Variants in BCS1L observed in about 807,000 individuals in gnomAD.
BCS1L encodes mitochondrial chaperone BCS1.
BCS1L carries 38 observed loss-of-function variants against 49.3 expected under a neutral mutation model. The ratio of observed to expected loss-of-function variants is 0.77; its 90% CI spans 0.59 to 1.01. BCS1L has a LOEUF of 1.01. BCS1L is among the 50% of genes least tolerant of loss of function. BCS1L has a pLI of 0.00. For missense variants in BCS1L, 394 were observed against 540.2 expected, an observed-to-expected ratio of 0.73 and a Z score of 2.68; for synonymous variants, 193 against 210.1, an observed-to-expected ratio of 0.92 and a Z score of 0.70.
Position 218,662,385 on chromosome 2 carries a change from A to AC in BCS1L, c.720-124dup, listed in dbSNP as rs200147929. ...CCAGGATAAACATGAAACGTGTGGA[A>AC]CATCAGGGTGTGAGGTAGAAGTCAG... On this transcript the variant is annotated intron_variant, in intron 5 of 7. Coordinates refer to ENST00000359273, the MANE Select transcript of BCS1L (RefSeq NM_001079866.2). The surrounding 1 kb of genome is among the most constrained non-coding windows in gnomAD (Gnocchi z 5.8). The AC allele has an allele frequency of 9.5e-3, 14,064 of 1,484,870 alleles. 84 individuals carry two copies. Among genetic ancestry groups the AC allele is most frequent in the Non-Finnish European group, 0.011 (11,487 of 1,065,990 alleles). The allele number at this position is 1,484,870 out of a possible 1,614,324, so 92.0% of individuals were successfully genotyped here.
rs1939628894 is a variant in BCS1L at position 218,662,828 on chromosome 2, T to G, written c.890-55T>G. On this transcript the variant is annotated intron_variant, in intron 6 of 7. Transcript: ENST00000359273. The surrounding 1 kb of genome is among the most constrained non-coding windows in gnomAD (Gnocchi z 5.8). The stretch of plus-strand genomic sequence containing the variant: ...AGTAGGGGAACATAGTGGGGCATGC[T>G]AATTTTATGCTGGGCTATGACTACT... The G allele has an allele frequency of 1.3e-6, 2 of 1,593,036 alleles. No homozygotes were observed. The highest frequency in any genetic ancestry group is 1.7e-6 in the Non-Finnish European group (2 of 1,161,166).
Position 218,660,930 on chromosome 2 carries a change from C to T in BCS1L, c.-49-9C>T, listed in dbSNP as rs1246377877. On this transcript the variant is annotated splice_polypyrimidine_tract_variant and intron_variant, in intron 1 of 7. Transcript: ENST00000359273. Reference sequence around the variant, plus strand: ...GCTTTGTCCCATCTCCACTGTTCCCCACCCCTAGGTTTTCGTAACACCCCA... The same window carrying T: ...GCTTTGTCCCATCTCCACTGTTCCCTACCCCTAGGTTTTCGTAACACCCCA... The T allele has an allele frequency of 5.0e-6, 8 of 1,586,132 alleles. No individual in the cohort carries two copies. In the East Asian group the frequency reaches 6.7e-5, roughly 13 times the overall value.
In BCS1L at chr2:218,662,071, A is replaced by G. The variant is rs1939522478; in HGVS notation, c.655+118A>G. ...AGTCCAATTCCCAGAGATTAAGAGG[A>G]ATGAAAAGTTGTGTATGAGAATGAT... On this transcript the variant is annotated intron_variant, in intron 4 of 7. Coordinates refer to ENST00000359273, the MANE Select transcript of BCS1L (RefSeq NM_001079866.2). The surrounding 1 kb of genome is among the most constrained non-coding windows in gnomAD (Gnocchi z 5.8). 6.7e-7 allele frequency: 1 copy of G among 1,489,240 alleles called. No homozygotes were observed. Among genetic ancestry groups the G allele is most frequent in the East Asian group, 2.3e-5 (1 of 44,258 alleles). 92.3% of individuals were successfully genotyped at this position (1,489,240 alleles called of 1,614,324 possible). A position where few individuals can be genotyped will look rare whatever the true frequency, so the allele number is the denominator to read the frequency against.
rs1197613485 is a variant in BCS1L at position 218,662,909 on chromosome 2, C to T, written c.916C>T (p.Arg306Cys). ...ENPVKYQGLG[R>C]LTFSGLLNAL... ...CCCAGTAAAGTACCAAGGCCTAGGTCGCCTCACCTTCAGTGGACTGCTCAA... is the reference window on the plus strand; with the variant it reads ...CCCAGTAAAGTACCAAGGCCTAGGTTGCCTCACCTTCAGTGGACTGCTCAA... The change falls in exon 7 of 8, where the codon CGC becomes TGC. Residue 306 changes from arginine to cysteine, a missense_variant. Arg to Cys is a radical substitution (Grantham distance 180, BLOSUM62 -3). Coordinates refer to ENST00000359273, the MANE Select transcript of BCS1L (RefSeq NM_001079866.2). This position sits in a 1 kb window ranked among gnomAD's most constrained non-coding sequence, Gnocchi z 5.8. 11 of 1,614,142 alleles carry T rather than the reference C, an allele frequency of 6.8e-6. No individual in the cohort carries two copies. The highest frequency in any genetic ancestry group is 2.2e-5 in the South Asian group (2 of 91,060).
Position 218,661,383 on chromosome 2 carries a change from C to G in BCS1L, c.321-23C>G, listed in dbSNP as rs1187290374. 4 of 1,614,180 alleles carry G rather than the reference C, an allele frequency of 2.5e-6. No homozygotes were observed. The highest frequency in any genetic ancestry group is 1.1e-5 in the South Asian group (1 of 91,084). On this transcript the variant is annotated intron_variant, in intron 2 of 7. Coordinates refer to ENST00000359273, the MANE Select transcript of BCS1L (RefSeq NM_001079866.2). This position sits in a 1 kb window ranked among gnomAD's most constrained non-coding sequence, Gnocchi z 5.9. Reference sequence around the variant, plus strand: ...GCTGGGTTTGACCCATTCACTCACTCAGTTTTGATCGTTCTTATTCAGGTA... The same window carrying G: ...GCTGGGTTTGACCCATTCACTCACTGAGTTTTGATCGTTCTTATTCAGGTA...
intron 1 of BCS1L, 86 bp from the exon 2 acceptor site, chr2:218,660,853 A>T: frequency 1.1e-6 from 1 of 938,696 alleles, no homozygotes; most frequent in Non-Finnish European, 1.7e-6. Context: ...ATTGACCCAC[A>T]CAGTAATGCT....
chr2:218,662,013 G>A lies in BCS1L; in HGVS notation c.655+60G>A, dbSNP rs1939515750. Reference sequence around the variant, plus strand: ...TTGACATTTTTAGAAGGGACAGGTTGGTCTCCAGCCAGATGGGGTGATATA... The same window carrying A: ...TTGACATTTTTAGAAGGGACAGGTTAGTCTCCAGCCAGATGGGGTGATATA... On this transcript the variant is annotated intron_variant, in intron 4 of 7. Transcript: ENST00000359273. This position sits in a 1 kb window ranked among gnomAD's most constrained non-coding sequence, Gnocchi z 5.8. The A allele has an allele frequency of 1.9e-6, 3 of 1,573,426 alleles. No individual in the cohort carries two copies. The highest frequency in any genetic ancestry group is 1.7e-5 in the Admixed American group (1 of 58,106).
At position 218,662,059 on chromosome 2, in the gene BCS1L, G is replaced by C; in HGVS notation, c.655+106G>C. On this transcript the variant is annotated intron_variant, in intron 4 of 7. Transcript: ENST00000359273. This position sits in a 1 kb window ranked among gnomAD's most constrained non-coding sequence, Gnocchi z 5.8. Reference sequence around the variant, plus strand: ...ATATAAAGCTCTAGTCCAATTCCCAGAGATTAAGAGGAATGAAAAGTTGTG... The same window carrying C: ...ATATAAAGCTCTAGTCCAATTCCCACAGATTAAGAGGAATGAAAAGTTGTG... The C allele has an allele frequency of 6.7e-7, 1 of 1,488,990 alleles. No homozygotes were observed. The highest frequency in any genetic ancestry group is 9.4e-7 in the Non-Finnish European group (1 of 1,068,458). The allele number at this position is 1,488,990 out of a possible 1,614,324, so 92.2% of individuals were successfully genotyped here.
At position 218,662,713 on chromosome 2, in the gene BCS1L, T is replaced by C. The variant is rs758490202; in HGVS notation, c.889+34T>C. On this transcript the variant is annotated intron_variant, in intron 6 of 7. Transcript: ENST00000359273. This position sits in a 1 kb window ranked among gnomAD's most constrained non-coding sequence, Gnocchi z 5.8. The stretch of plus-strand genomic sequence containing the variant: ...GGGGTTCTGGAGGAAGTGGAGTGGG[T>C]AACTGTGGAACAGGGGAAGAAAGCA... The C allele has an allele frequency of 4.3e-6, 7 of 1,613,606 alleles. No individual in the cohort carries two copies. Among genetic ancestry groups the C allele is most frequent in the Non-Finnish European group, 5.9e-6 (7 of 1,179,894 alleles).
chr2:218,661,173 G>C lies in BCS1L; in HGVS notation c.186G>C (p.Trp62Cys). ...CTGCTCGAGACAGGAGCTATGCCTG[G>C]TTGCTTAGCTGGCTCACCCGCCACA... Reference protein sequence around the residue: ...EVPARDRSYAWLLSWLTRHST... With the variant: ...EVPARDRSYACLLSWLTRHST... Residue 62 changes from tryptophan (W) to cysteine (C), a missense_variant, in exon 2 of 8, where the codon TGG becomes TGC. Transcript: ENST00000359273. The surrounding 1 kb of genome is among the most constrained non-coding windows in gnomAD (Gnocchi z 5.9). 6 of 1,614,126 alleles carry C rather than the reference G, an allele frequency of 3.7e-6. No homozygotes were observed. The highest frequency in any genetic ancestry group is 5.1e-6 in the Non-Finnish European group (6 of 1,180,020).
chr2:218,661,875 C>G lies in BCS1L; in HGVS notation c.577C>G (p.Leu193Val). The change falls in exon 4 of 8, where the codon CTA becomes GTA. Residue 193 changes from leucine (L) to valine (V), a missense_variant. Physicochemically the swap from Leu to Val is conservative, Grantham distance 32. Transcript: ENST00000359273. The surrounding 1 kb of genome is among the most constrained non-coding windows in gnomAD (Gnocchi z 5.9). Reference protein sequence around the residue: ...RRRRPLNSVVLQQGLADRIVR... With the variant: ...RRRRPLNSVVVQQGLADRIVR... ...CCGGCGACCACTGAATTCTGTGGTT[C>G]TACAACAGGGTCTGGCTGACCGAAT... is the stretch of plus-strand genomic sequence containing the variant. 7.4e-6 allele frequency: 12 copies of G among 1,614,210 alleles called. No individual in the cohort carries two copies. The highest frequency in any genetic ancestry group is 1.0e-5 in the Non-Finnish European group (12 of 1,180,032).
Position 218,662,533 on chromosome 2 carries a change from A to T in BCS1L, c.743A>T (p.Glu248Val). The change falls in exon 6 of 8, where the codon GAG becomes GTG. Residue 248 changes from glutamate (E) to valine (V), a missense_variant. Coordinates refer to ENST00000359273, the MANE Select transcript of BCS1L (RefSeq NM_001079866.2). The surrounding 1 kb of genome is among the most constrained non-coding windows in gnomAD (Gnocchi z 5.8). ...SFITALAGEL[E>V]HSICLLSLTD... Reference sequence around the variant, plus strand: ...AGCACAGCCCTGGCTGGGGAACTGGAGCACAGCATCTGCCTGCTGAGCCTC... The same window carrying T: ...AGCACAGCCCTGGCTGGGGAACTGGTGCACAGCATCTGCCTGCTGAGCCTC... The T allele has an allele frequency of 6.2e-7, 1 of 1,613,980 alleles. No homozygotes were observed. The highest frequency in any genetic ancestry group is 8.5e-7 in the Non-Finnish European group (1 of 1,180,026).
chr2:218,661,705 G>A lies in BCS1L; in HGVS notation c.461-54G>A. 1 of 1,595,188 alleles carries A rather than the reference G, an allele frequency of 6.3e-7. No homozygotes were observed. The highest frequency in any genetic ancestry group is 1.1e-5 in the South Asian group (1 of 89,146). On this transcript the variant is annotated intron_variant, in intron 3 of 7. Transcript: ENST00000359273. The surrounding 1 kb of genome is among the most constrained non-coding windows in gnomAD (Gnocchi z 5.9). ...TTTGGCACAGCTCCACCTAATTGAA[G>A]AATCAGCCATGGTGAAGAGAATTAT...
In BCS1L at chr2:218,661,851, C is replaced by T. The variant is rs748859459; in HGVS notation, c.553C>T (p.Arg185Trp). 5.6e-6 allele frequency: 9 copies of T among 1,614,094 alleles called. No homozygotes were observed. Among genetic ancestry groups the T allele is most frequent in the Middle Eastern group, 1.6e-4 (1 of 6,084 alleles). ...GCGTCCCTTTGGCTATCCACGCCGC[C>T]GGCGACCACTGAATTCTGTGGTTCT... is the stretch of plus-strand genomic sequence containing the variant. ...EWRPFGYPRR[R>W]RPLNSVVLQQ... Residue 185 changes from arginine to tryptophan, a missense_variant, in exon 4 of 8, where the codon CGG becomes TGG. By Grantham distance (101) the Arg-to-Trp change is moderately radical. Transcript: ENST00000359273. This position sits in a 1 kb window ranked among gnomAD's most constrained non-coding sequence, Gnocchi z 5.9.
At position 218,661,547 on chromosome 2, in the gene BCS1L, T is replaced by C. The variant is rs1057516954; in HGVS notation, c.460+2T>C. 2 of 1,614,004 alleles carry C rather than the reference T, an allele frequency of 1.2e-6. No individual in the cohort carries two copies. The highest frequency in any genetic ancestry group is 1.7e-6 in the Non-Finnish European group (2 of 1,179,994). Reference sequence around the variant, plus strand: ...TTTTCTTCAACATCCTGGAGGAAGGTGTGGGATGGCACAGGCAGGCTTTCT... The same window carrying C: ...TTTTCTTCAACATCCTGGAGGAAGGCGTGGGATGGCACAGGCAGGCTTTCT... On this transcript the variant is annotated splice_donor_variant, in intron 3 of 7. Transcript: ENST00000359273. LOFTEE classifies it high-confidence loss of function. The surrounding 1 kb of genome is among the most constrained non-coding windows in gnomAD (Gnocchi z 5.9).
rs1489102198 is a variant in BCS1L at position 218,661,667 on chromosome 2, C to T, written c.461-92C>T. ...GGGTGAGCCCATGGGAACAGGGGGC[C>T]AGAAGGAAGCTGTTTGGCACAGCTC... On this transcript the variant is annotated intron_variant, in intron 3 of 7. Coordinates refer to ENST00000359273, the MANE Select transcript of BCS1L (RefSeq NM_001079866.2). This position sits in a 1 kb window ranked among gnomAD's most constrained non-coding sequence, Gnocchi z 5.9. 2.5e-6 allele frequency: 4 copies of T among 1,578,878 alleles called. No homozygotes were observed. Among genetic ancestry groups the T allele is most frequent in the Non-Finnish European group, 3.4e-6 (4 of 1,160,856 alleles).
intron 1 of BCS1L, chr2:218,660,691 T>G: frequency 2.6e-6 from 1 of 385,422 alleles, no homozygotes; most frequent in Non-Finnish European, 4.9e-6. Flanking sequence ...TGAAGCCTGT[T>G]TATATAGCTC....
chr2:218,662,385 A>AT lies in BCS1L; in HGVS notation c.719+125_720-124insT. On this transcript the variant is annotated intron_variant, in intron 5 of 7. Transcript: ENST00000359273. The surrounding 1 kb of genome is among the most constrained non-coding windows in gnomAD (Gnocchi z 5.8). ...CCAGGATAAACATGAAACGTGTGGA[A>AT]CATCAGGGTGTGAGGTAGAAGTCAG... 6.7e-7 allele frequency: 1 copy of AT among 1,484,952 alleles called. No homozygotes were observed. Among genetic ancestry groups the AT allele is most frequent in the Non-Finnish European group, 9.4e-7 (1 of 1,066,066 alleles). 92.0% of individuals were successfully genotyped at this position (1,484,952 alleles called of 1,614,324 possible).
rs1307067513 is a variant in BCS1L, at chr2:218,663,237, G to T, written c.1111G>T (p.Gly371Trp). The T allele has an allele frequency of 8.7e-6, 14 of 1,614,196 alleles. No homozygotes were observed. The highest frequency in any genetic ancestry group is 1.1e-5 in the Non-Finnish European group (13 of 1,180,028). Reference protein sequence around the residue: ...LTQMFQRFYPGQAPSLAENFA... With the variant: ...LTQMFQRFYPWQAPSLAENFA... ...CCAGATGTTCCAGAGGTTCTATCCAGGGCAGGCACCTTCCTTAGCTGAGAA... is the reference window on the plus strand; with the variant it reads ...CCAGATGTTCCAGAGGTTCTATCCATGGCAGGCACCTTCCTTAGCTGAGAA... The change falls in exon 8 of 8, where the codon GGG (glycine) becomes TGG (tryptophan). Residue 371 changes from glycine (G) to tryptophan (W), a missense_variant. Coordinates refer to ENST00000359273, the MANE Select transcript of BCS1L (RefSeq NM_001079866.2).
Sources: allele counts gnomAD v4.1 joint callset, GRCh38; gene constraint gnomAD v4.1.1; non-coding constraint Gnocchi (gnomAD v3.1); transcripts MANE v1.5; gene names NCBI Gene and HGNC (gene_info 2026-07-23, HGNC 2026-07-21).